Variants in EYS observed in about 807,000 individuals in gnomAD.
The protein encoded by EYS is EGF-like photoreceptor maintenance factor, also known as protein eyes shut homolog.
EYS carries 250 observed loss-of-function variants against 282.1 expected under a neutral mutation model. That is an observed-to-expected ratio of 0.89 (90% CI 0.80 to 0.98). The LOEUF is 0.98. Among genes scored for constraint, EYS ranks in the 50% least tolerant of loss-of-function variants. EYS has a pLI of 0.00. For synonymous variants in EYS, 1,355 were observed against 1,282.9 expected (o/e 1.06, Z -1.20); for missense variants, 4,016 against 3,709.0 (o/e 1.08, Z -2.15).
chr6:64,909,125 G>A (rs774184519), intron 16 of EYS, among the ~76,000 whole-genome samples: 2 of 152,058 alleles, frequency 1.3e-5, no homozygotes, highest in Non-Finnish European at 2.9e-5. Flanking sequence ...TCAATTCCTT[G>A]AGGGCATATC....
chr6:64,707,107 A>G (rs1225527450), intron 22 of EYS, among the ~76,000 whole-genome samples: 3 of 61,620 alleles, frequency 4.9e-5, no homozygotes, highest in Admixed American at 4.8e-4. Flanking sequence ...ATATATGCAT[A>G]CACACACACA....
intron 33 of EYS, among the ~76,000 whole-genome samples, chr6:64,038,057 C>T (rs1331689639): frequency 1.3e-5 from 2 of 151,990 alleles, no homozygotes; most frequent in African/African-American, 2.4e-5. Context: ...TTTAAAATCT[C>T]CTTATGCAAA....
intron 18 of EYS, among the ~76,000 whole-genome samples, chr6:64,893,339 G>A (rs562027718): frequency 6.6e-6 from 1 of 152,100 alleles, no homozygotes; most frequent in Admixed American, 6.6e-5. Flanking sequence ...AACCATAAGA[G>A]AGAATAGAAT....
chr6:65,658,351 T>C (rs1767895414), intron 1 of EYS, among the ~76,000 whole-genome samples: 1 of 151,760 alleles, frequency 6.6e-6, no homozygotes, highest in Admixed American at 6.6e-5. Flanking sequence ...CTTTTGTTAA[T>C]CATAATGTAT....
chr6:64,307,202 C>T (rs1486752241), intron 29 of EYS, 120 bp from the exon 30 acceptor site: 5 of 578,894 alleles, frequency 8.6e-6, no homozygotes, highest in Non-Finnish European at 1.5e-5. Flanking sequence ...TTGATTTATT[C>T]TACTTATTTA....
intron 26 of EYS, among the ~76,000 whole-genome samples, chr6:64,472,941 AC>A (rs1776161161): frequency 6.6e-6 from 1 of 152,184 alleles, no homozygotes; most frequent in Admixed American, 6.5e-5. Flanking sequence ...ACTTTTACAA[AC>A]TAAAGTGAGT....
chr6:64,325,806 T>C (rs150675427), intron 29 of EYS, among the ~76,000 whole-genome samples: 166 of 151,934 alleles, frequency 1.1e-3, no homozygotes, highest in Non-Finnish European at 2.0e-3. Context: ...ACAAGTAGAA[T>C]AAAGAAATTC....
At chr6:63,972,423 C>T (rs566384489) in intron 35 of EYS, among the ~76,000 whole-genome samples, 23 of 152,276 alleles carry the variant, frequency 1.5e-4, no homozygotes, top group Non-Finnish European at 2.5e-4. Context: ...ACACATACCT[C>T]TTGACTGTTA....
At chr6:65,123,145 C>T (rs1284572907) in intron 12 of EYS, among the ~76,000 whole-genome samples, 1 of 152,022 alleles carries the variant, frequency 6.6e-6, no homozygotes, top group Non-Finnish European at 1.5e-5. Flanking sequence ...CGTAAACATC[C>T]TTTCTTCGAC....
At chr6:64,593,023 A>T in intron 25 of EYS, 94 bp downstream of exon 25, 2 of 68,280 alleles carry the variant, frequency 2.9e-5, no homozygotes, top group Non-Finnish European at 1.9e-5. Flanking sequence ...TGTATCTCAG[A>T]AAAAAAAAAG....
chr6:64,507,937 A>G (rs1777263831), intron 26 of EYS, among the ~76,000 whole-genome samples: 1 of 152,190 alleles, frequency 6.6e-6, no homozygotes, highest in South Asian at 2.1e-4. Flanking sequence ...ACAAAGCAAT[A>G]CCAAGGGCTT....
rs890971576 is a variant in EYS at position 64,130,742 on chromosome 6, A to G, written c.6425-48740T>C. On this transcript the variant is annotated intron_variant, in intron 31 of 42. Transcript: ENST00000503581. ...GCAATGCCACTTAGAGCAAAATACA[A>G]CTAAACATGGCATATTAGAGAAACT... Among the ~76,000 whole-genome samples the G allele has an allele frequency of 3.3e-5, 5 of 152,194 alleles. No homozygotes were observed. In the East Asian group the frequency reaches 5.8e-4, roughly 18 times the overall value.
intron 10 of EYS, among the ~76,000 whole-genome samples, chr6:65,342,965 C>G (rs567319820): frequency 6.6e-6 from 1 of 150,886 alleles, no homozygotes; most frequent in Non-Finnish European, 1.5e-5. Flanking sequence ...TTTTAATATA[C>G]TGATAAAGCT....
At chr6:65,308,891 G>C (rs551560197) in intron 11 of EYS, among the ~76,000 whole-genome samples, 4,373 of 151,672 alleles carry the variant, frequency 0.029, 90 homozygotes, top group Non-Finnish European at 0.048. Context: ...TCCAAGACTA[G>C]AAAACCAGTT....
intron 8 of EYS, among the ~76,000 whole-genome samples, chr6:65,374,980 C>T (rs918390420): frequency 1.3e-5 from 2 of 152,180 alleles, no homozygotes; most frequent in Non-Finnish European, 2.9e-5. Flanking sequence ...GCATTCCTGC[C>T]TGTCAGCTCT....
chr6:65,014,173 A>G (rs1203276738), intron 13 of EYS, among the ~76,000 whole-genome samples: 1 of 152,198 alleles, frequency 6.6e-6, no homozygotes, highest in Non-Finnish European at 1.5e-5. Flanking sequence ...TAAGAAAGAA[A>G]GACCAGAGTT....
chr6:64,217,998 T>C (rs907349284), intron 31 of EYS, among the ~76,000 whole-genome samples: 1 of 152,234 alleles, frequency 6.6e-6, no homozygotes, highest in African/African-American at 2.4e-5. Flanking sequence ...TCTCTGTTGC[T>C]GTCTGTGTAG....
At chr6:64,783,981 C>G (rs959026375) in intron 22 of EYS, among the ~76,000 whole-genome samples, 2 of 151,982 alleles carry the variant, frequency 1.3e-5, no homozygotes, top group Non-Finnish European at 1.5e-5. Flanking sequence ...TAAATGTTAT[C>G]TGGAGGGGAG....
chr6:64,648,783 G>A (rs1489310906), intron 22 of EYS, among the ~76,000 whole-genome samples: 1 of 152,130 alleles, frequency 6.6e-6, no homozygotes, highest in African/African-American at 2.4e-5. Context: ...TAGAAATGGA[G>A]AAATAGCTAA....
Sources: gnomAD v4.1 joint callset for allele counts (sites outside exome capture counted in the v4.1 genomes callset) on GRCh38, gnomAD v4.1.1 for gene constraint, MANE v1.5 for transcripts, NCBI Gene and HGNC (gene_info 2026-07-23, HGNC 2026-07-21) for gene names.